Variants in EXTL3 observed in about 807,000 individuals in gnomAD.
EXTL3 encodes the protein exostosin-like 3.
In EXTL3, 27 loss-of-function variants were observed where a neutral mutation model predicts 69.3. That is an observed-to-expected ratio of 0.39 (90% CI 0.29 to 0.54). The LOEUF (loss-of-function observed/expected upper bound fraction) is 0.54, where lower values mean the gene tolerates loss of function less well. Ranked by LOEUF, EXTL3 falls within the 20% of genes least tolerant of loss-of-function variation. The probability of loss-of-function intolerance (pLI) is 0.69; values close to 1 mark genes in which losing one functional copy is unlikely to be tolerated. For missense variants in EXTL3, 1,003 were observed against 1,231.8 expected (o/e 0.81, Z 2.78); for synonymous variants, 511 against 499.4 (o/e 1.02, Z -0.31).
intron 1 of EXTL3, among the ~76,000 whole-genome samples, chr8:28,664,613 C>T (rs1008881658): frequency 2.0e-5 from 3 of 152,042 alleles, no homozygotes; most frequent in Non-Finnish European, 4.4e-5. Flanking sequence ...TGAACTGTGT[C>T]GGATGATTCT....
chr8:28,619,888 T>G (rs1806387508), upstream of EXTL3, among the ~76,000 whole-genome samples: 2 of 93,348 alleles, frequency 2.1e-5, no homozygotes, highest in Non-Finnish European at 3.9e-5. Context: ...TTTTTTTTTT[T>G]GAGACGGAGT....
At chr8:28,698,692 A>G (rs1456357318), upstream of EXTL3, among the ~76,000 whole-genome samples, 1 of 152,094 alleles carries the variant, frequency 6.6e-6, no homozygotes, top group Non-Finnish European at 1.5e-5. Flanking sequence ...CTACAAAAAA[A>G]CAAAACAAAA....
chr8:28,711,009 A>G (rs1407045528), intron 1 of EXTL3, among the ~76,000 whole-genome samples: 1 of 152,008 alleles, frequency 6.6e-6, no homozygotes, highest in Admixed American at 6.6e-5. Flanking sequence ...GGGGCTGGAG[A>G]TTTCTTTTTT....
chr8:28,697,988 T>A (rs940159250), upstream of EXTL3: 4 of 152,228 alleles, frequency 2.6e-5, no homozygotes, highest in African/African-American at 9.6e-5. Context: ...GTGCATACTG[T>A]TGCCTTGGCT....
At chr8:28,744,560 T>C (rs931303501) in intron 6 of EXTL3, among the ~76,000 whole-genome samples, 1 of 152,184 alleles carries the variant, frequency 6.6e-6, no homozygotes, top group African/African-American at 2.4e-5. Flanking sequence ...TTTGGAAGGC[T>C]GAGGCAGGTG....
chr8:28,622,839 G>C (rs1284397633), intron 1 of EXTL3: 2 of 152,228 alleles, frequency 1.3e-5, no homozygotes, highest in South Asian at 2.1e-4. Flanking sequence ...CTTCCCTTTC[G>C]GGGGTGGGAA....
rs1320746161 is a variant in EXTL3, at chr8:28,742,935, C to G, written c.2422-151C>G. ...GCAGAAGATCCACACGACAGGATGTCTCGAATCCCCTGCCCCAGTCCCTAA... is the reference window on the plus strand; with the variant it reads ...GCAGAAGATCCACACGACAGGATGTGTCGAATCCCCTGCCCCAGTCCCTAA... On this transcript the variant is annotated intron_variant, in intron 5 of 6. Coordinates refer to ENST00000220562, the MANE Select transcript of EXTL3 (RefSeq NM_001440.4). 5.0e-6 allele frequency: 4 copies of G among 798,804 alleles called. No homozygotes were observed. The African/African-American group carries it at 6.7e-5, about 13-fold the overall frequency. 49.5% of individuals were successfully genotyped at this position (798,804 alleles called of 1,614,324 possible). A position where few individuals can be genotyped will look rare whatever the true frequency, so the allele number is the denominator to read the frequency against.
intron 1 of EXTL3, among the ~76,000 whole-genome samples, chr8:28,631,143 C>T (rs964030285): frequency 2.8e-5 from 4 of 144,770 alleles, no homozygotes; most frequent in African/African-American, 7.6e-5. Context: ...TTAGAGAGGA[C>T]TTTTTTTTTT....
chr8:28,756,084 T>C (rs1361893928), downstream of EXTL3, among the ~76,000 whole-genome samples: 1 of 152,230 alleles, frequency 6.6e-6, no homozygotes, highest in Non-Finnish European at 1.5e-5. Context: ...TTTGTGTTTT[T>C]AATGTAAACT....
intron 1 of EXTL3, among the ~76,000 whole-genome samples, chr8:28,662,065 A>G (rs1807125374): frequency 6.6e-6 from 1 of 151,950 alleles, no homozygotes; most frequent in Non-Finnish European, 1.5e-5. Context: ...ATGTATGTGT[A>G]TATATGAGTG....
upstream of EXTL3, among the ~76,000 whole-genome samples, chr8:28,617,868 T>C (rs1806348470): frequency 6.6e-6 from 1 of 152,164 alleles, no homozygotes; most frequent in African/African-American, 2.4e-5. Flanking sequence ...TTGAAAATAC[T>C]ATACTGAAAG....
In EXTL3 at chr8:28,716,422, T is replaced by A; in HGVS notation, c.363T>A (p.Ile121=). ...NLKIEACKKS[I]ENAKQDLLQL... is the part of the protein sequence containing the mutation. ...AGATCGAAGCCTGTAAGAAGAGCAT[T>A]GAGAACGCCAAGCAGGACCTGCTCC... Residue 121 remains isoleucine (I), a synonymous_variant, in exon 3 of 7, where the codon ATT becomes ATA. Coordinates refer to ENST00000220562, the MANE Select transcript of EXTL3 (RefSeq NM_001440.4). This position sits in a 1 kb window ranked among gnomAD's most constrained non-coding sequence, Gnocchi z 7.1. 6.2e-7 allele frequency: 1 copy of A among 1,613,778 alleles called. No homozygotes were observed. Among genetic ancestry groups the A allele is most frequent in the Non-Finnish European group, 8.5e-7 (1 of 1,179,948 alleles).
rs537634926 is a variant in EXTL3 at position 28,637,811 on chromosome 8, A to G, written c.-53+15001A>G. Among the ~76,000 whole-genome samples the G allele has an allele frequency of 3.3e-5, 5 of 152,194 alleles. No homozygotes were observed. The East Asian group carries it at 9.7e-4, about 29-fold the overall frequency. On this transcript the variant is annotated intron_variant, in intron 1 of 6. Transcript: ENST00000523149. ...CCAGCAACCCTCCTCTTCACAGCCC[A>G]GCTTCTTGGCTTAGAATTATTTCTA...
chr8:28,607,915 A>G (rs1416903233), intron 2 of EXTL3, among the ~76,000 whole-genome samples: 1 of 152,034 alleles, frequency 6.6e-6, no homozygotes, highest in Non-Finnish European at 1.5e-5. Flanking sequence ...GATCGAGACC[A>G]TCCTGGCTAA....
At chr8:28,635,996 A>G (rs997578802) in intron 1 of EXTL3, among the ~76,000 whole-genome samples, 1 of 152,110 alleles carries the variant, frequency 6.6e-6, no homozygotes, top group Non-Finnish European at 1.5e-5. Flanking sequence ...CTGGCATTAC[A>G]GGCATGAGTC....
chr8:28,668,537 A>C (rs1807235630), intron 1 of EXTL3, among the ~76,000 whole-genome samples: 1 of 151,974 alleles, frequency 6.6e-6, no homozygotes. Flanking sequence ...GGGTTTCCCC[A>C]TGTTGGCCAG....
In EXTL3 at chr8:28,717,612, C is replaced by G; in HGVS notation, c.1553C>G (p.Thr518Ser). 1 of 1,614,240 alleles carries G rather than the reference C, an allele frequency of 6.2e-7. No individual in the cohort carries two copies. The highest frequency in any genetic ancestry group is 8.5e-7 in the Non-Finnish European group (1 of 1,180,044). The stretch of plus-strand genomic sequence containing the variant: ...CGGCAAGGCCGCTTTCTCTGGGAGA[C>G]TTACTTCTCCACTGCTGACAGTATT... The part of the protein sequence containing the change: ...MRRQGRFLWE[T>S]YFSTADSIFN... The change falls in exon 3 of 7, where the codon ACT (threonine) becomes AGT (serine). Residue 518 changes from threonine (T) to serine (S), a missense_variant. Physicochemically the swap from Thr to Ser is moderately conservative, Grantham distance 58 (BLOSUM62 1). Transcript: ENST00000220562. This position sits in a 1 kb window ranked among gnomAD's most constrained non-coding sequence, Gnocchi z 8.3.
chr8:28,726,101 G>T (rs939827859), intron 3 of EXTL3, among the ~76,000 whole-genome samples: 1 of 151,898 alleles, frequency 6.6e-6, no homozygotes, highest in African/African-American at 2.4e-5. Flanking sequence ...GATTACAGGC[G>T]CACACCACCA....
At chr8:28,692,310 T>G (rs1800627420) in intron 1 of EXTL3, among the ~76,000 whole-genome samples, 1 of 152,184 alleles carries the variant, frequency 6.6e-6, no homozygotes, top group Non-Finnish European at 1.5e-5. Context: ...GCATAGTGTT[T>G]GCAAGGCTGA....
Sources: gnomAD v4.1 joint callset for allele counts (sites outside exome capture counted in the v4.1 genomes callset) on GRCh38, gnomAD v4.1.1 for gene constraint, Gnocchi (gnomAD v3.1) non-coding constraint, MANE v1.5 for transcripts, NCBI Gene and HGNC (gene_info 2026-07-23, HGNC 2026-07-21) for gene names.